Variants in PITPNM2 observed in about 807,000 individuals in gnomAD.
The protein encoded by PITPNM2 is phosphatidylinositol transfer protein membrane associated 2.
In PITPNM2, 35 loss-of-function variants were observed where a neutral mutation model predicts 132.2. The ratio of observed to expected loss-of-function variants is 0.26; its 90% CI spans 0.20 to 0.35. The LOEUF (loss-of-function observed/expected upper bound fraction) is 0.35. PITPNM2 is among the 10% of genes least tolerant of loss of function. The pLI, the probability that PITPNM2 is intolerant of heterozygous loss-of-function variation, is 1.00. For synonymous variants in PITPNM2, 738 were observed against 799.2 expected (o/e 0.92, Z 1.29); for missense variants, 1,332 against 1,912.0 (o/e 0.70, Z 5.66).
chr12:123,059,276 C>G (rs1197861645), intron 2 of PITPNM2, among the ~76,000 whole-genome samples: 1 of 152,224 alleles, frequency 6.6e-6, no homozygotes, highest in Non-Finnish European at 1.5e-5. Context: ...TGGCTCAGCC[C>G]CTGCCCCTTT....
intron 3 of PITPNM2, among the ~76,000 whole-genome samples, chr12:123,020,063 G>A (rs1416002247): frequency 6.6e-6 from 1 of 152,144 alleles, no homozygotes; most frequent in African/African-American, 2.4e-5. Context: ...GAAGGGCCTG[G>A]GAGCTAGGCA....
intron 4 of PITPNM2, 105 bp downstream of exon 4, chr12:123,013,723 A>G: frequency 7.7e-7 from 1 of 1,296,912 alleles, no homozygotes; most frequent in Non-Finnish European, 1.1e-6. Context: ...GGGTTGTTGA[A>G]CCTGCTTGAA....
Position 123,013,768 on chromosome 12 carries a change from T to C in PITPNM2, c.293+60A>G, listed in dbSNP as rs1387743386. The C allele has an allele frequency of 4.5e-6, 7 of 1,549,114 alleles. No individual in the cohort carries two copies. In the South Asian group the frequency reaches 4.5e-5, roughly 10 times the overall value. On this transcript the variant is annotated intron_variant, in intron 4 of 25. Coordinates refer to ENST00000320201, the MANE Select transcript of PITPNM2 (RefSeq NM_020845.3). ...CATCCCCTGGATCTATGCCACAAGATTGCTTCCCGCCAGATGGCATGTGGA... is the reference window on the plus strand; with the variant it reads ...CATCCCCTGGATCTATGCCACAAGACTGCTTCCCGCCAGATGGCATGTGGA...
At chr12:123,021,508 T>C (rs866994420) in intron 3 of PITPNM2, among the ~76,000 whole-genome samples, 36 of 152,270 alleles carry the variant, frequency 2.4e-4, no homozygotes, top group Middle Eastern at 3.4e-3. Flanking sequence ...TAGTTTTTTA[T>C]TTTTTTGTAG....
chr12:123,068,498 T>TAAAA (rs1261879346), intron 2 of PITPNM2, among the ~76,000 whole-genome samples: 309 of 124,206 alleles, frequency 2.5e-3, no homozygotes, highest in African/African-American at 1.0e-2. Flanking sequence ...AATAAATAAA[T>TAAAA]AAAAATAATC....
At chr12:123,101,253 G>A (rs1002924754) in intron 2 of PITPNM2, among the ~76,000 whole-genome samples, 8 of 152,186 alleles carry the variant, frequency 5.3e-5, no homozygotes, top group Admixed American at 2.6e-4. Flanking sequence ...CCCTTGCAGT[G>A]GGACATAGCA....
chr12:122,992,344 C>T lies in PITPNM2; in HGVS notation c.2404+155G>A, dbSNP rs563690300. ...TGCGGAGGGATGCACCACCCCCACC[C>T]CCCACCCCCAACAGCTGTCCACCTC... On this transcript the variant is annotated intron_variant, in intron 16 of 25. Coordinates refer to ENST00000320201, the MANE Select transcript of PITPNM2 (RefSeq NM_020845.3). The surrounding 1 kb of genome is among the most constrained non-coding windows in gnomAD (Gnocchi z 6.5). 5.7e-5 allele frequency among the ~76,000 whole-genome samples: 8 copies of T among 140,586 alleles called. No individual in the cohort carries two copies. The highest frequency in any genetic ancestry group is 1.1e-4 in the Non-Finnish European group (7 of 64,178). 92.2% of individuals were successfully genotyped at this position (140,586 alleles called of 152,430 possible). A position where few individuals can be genotyped will look rare whatever the true frequency, so the allele number is the denominator to read the frequency against.
chr12:122,992,378 A>C lies in PITPNM2; in HGVS notation c.2404+121T>G. 6.4e-6 allele frequency: 5 copies of C among 777,436 alleles called. No homozygotes were observed. Among genetic ancestry groups the C allele is most frequent in the Non-Finnish European group, 7.1e-6 (4 of 567,046 alleles). 48.2% of individuals were successfully genotyped at this position (777,436 alleles called of 1,614,324 possible). ...CAACAGCTGTCCACCTCCAAGAGGC[A>C]TTCAGCACAAGCTGTCCCTCTCACC... On this transcript the variant is annotated intron_variant, in intron 16 of 25. Coordinates refer to ENST00000320201, the MANE Select transcript of PITPNM2 (RefSeq NM_020845.3). The surrounding 1 kb of genome is among the most constrained non-coding windows in gnomAD (Gnocchi z 6.5).
chr12:123,010,364 A>G lies in PITPNM2; in HGVS notation c.416-287T>C, dbSNP rs117622808. Among the ~76,000 whole-genome samples, 348 of 152,308 alleles carry G rather than the reference A, an allele frequency of 2.3e-3. 1 individual carries two copies. Among genetic ancestry groups the G allele is most frequent in the Non-Finnish European group, 3.0e-3 (204 of 68,014 alleles). On this transcript the variant is annotated intron_variant, in intron 5 of 25. Coordinates refer to ENST00000320201, the MANE Select transcript of PITPNM2 (RefSeq NM_020845.3). ...CTCTCAAAGTGCTGAGATTACAGGT[A>G]TGAGCCAACGAGCCTGGCCCCTTGT...
At chr12:123,087,417 C>G (rs996856687) in intron 2 of PITPNM2, 1 of 151,890 alleles carries the variant, frequency 6.6e-6, no homozygotes, top group South Asian at 2.1e-4. Flanking sequence ...TACCGCCCGG[C>G]TAATTTTTTT....
chr12:122,988,962 C>T (rs1317986542), intron 18 of PITPNM2, 90 bp from the exon 19 acceptor site: 16 of 1,352,200 alleles, frequency 1.2e-5, no homozygotes, highest in Admixed American at 8.7e-5. Context: ...CTGCTCAGCC[C>T]AGCACAGTCC....
At chr12:123,073,168 A>G (rs976023890) in intron 2 of PITPNM2, among the ~76,000 whole-genome samples, 15 of 152,100 alleles carry the variant, frequency 9.9e-5, no homozygotes, top group African/African-American at 3.4e-4. Flanking sequence ...TATACTTTCA[A>G]CCTCTTAGGA....
At chr12:123,136,888 G>A (rs1179948469) in intron 1 of PITPNM2, among the ~76,000 whole-genome samples, 1 of 152,086 alleles carries the variant, frequency 6.6e-6, no homozygotes, top group East Asian at 1.9e-4. Context: ...GCGAGACTCC[G>A]TCTCAAAAAA....
At chr12:123,127,603 T>C (rs1405160254) in intron 1 of PITPNM2, among the ~76,000 whole-genome samples, 1 of 151,116 alleles carries the variant, frequency 6.6e-6, no homozygotes, top group Non-Finnish European at 1.5e-5. Context: ...CCTGCCTCTT[T>C]TTCTTTCTTT....
In PITPNM2 at chr12:123,117,184, G is replaced by T. The variant is rs540668052; in HGVS notation, c.-199-6696C>A. Among the ~76,000 whole-genome samples the T allele has an allele frequency of 6.6e-6, 1 of 152,296 alleles. No individual in the cohort carries two copies. The highest frequency in any genetic ancestry group is 1.9e-4 in the East Asian group (1 of 5,184). On this transcript the variant is annotated intron_variant, in intron 1 of 25. Coordinates refer to ENST00000320201, the MANE Select transcript of PITPNM2 (RefSeq NM_020845.3). This position sits in a 1 kb window ranked among gnomAD's most constrained non-coding sequence, Gnocchi z 4.7. ...ACGTTAGTGCTTAAATGAGTCTTAG[G>T]AAGAGAGTAGTCTTCCACTCCCAAT... is the stretch of plus-strand genomic sequence containing the variant.
chr12:123,149,389 T>C (rs1465352333), intron 1 of PITPNM2, among the ~76,000 whole-genome samples: 1 of 152,220 alleles, frequency 6.6e-6, no homozygotes, highest in Admixed American at 6.5e-5. Flanking sequence ...TCATTGTGTT[T>C]CTCTCTGCAG....
chr12:123,109,796 T>C (rs567767856), intron 2 of PITPNM2, among the ~76,000 whole-genome samples: 5 of 152,268 alleles, frequency 3.3e-5, no homozygotes, highest in South Asian at 4.1e-4. Flanking sequence ...ATAGCAGCCG[T>C]TGGGGCCTCA....
At chr12:123,080,221 C>A (rs2041916277) in intron 2 of PITPNM2, among the ~76,000 whole-genome samples, 1 of 151,186 alleles carries the variant, frequency 6.6e-6, no homozygotes, top group African/African-American at 2.5e-5. Flanking sequence ...CTATTGTTGT[C>A]ACATTTTTTT....
intron 1 of PITPNM2, among the ~76,000 whole-genome samples, chr12:123,142,782 A>G (rs2137674470): frequency 6.6e-6 from 1 of 151,872 alleles, no homozygotes; most frequent in East Asian, 1.9e-4. Flanking sequence ...AGCCTCACTT[A>G]TGTGTGGTTT....
Sources: gnomAD v4.1 joint callset for allele counts (sites outside exome capture counted in the v4.1 genomes callset) on GRCh38, gnomAD v4.1.1 for gene constraint, Gnocchi (gnomAD v3.1) non-coding constraint, MANE v1.5 for transcripts, NCBI Gene and HGNC (gene_info 2026-07-23, HGNC 2026-07-21) for gene names.